Variants in FREM1 observed in about 807,000 individuals in gnomAD.
FREM1 encodes FRAS1-related extracellular matrix protein 1.
Under a neutral mutation model 210.1 loss-of-function variants are expected in FREM1, and 220 were observed. The ratio of observed to expected loss-of-function variants is 1.05; its 90% CI spans 0.94 to 1.17. The LOEUF (loss-of-function observed/expected upper bound fraction) is 1.17, where lower values mean the gene tolerates loss of function less well. FREM1 is among the 50% of genes most tolerant of loss of function. The pLI is 0.00. For synonymous variants in FREM1, 1,189 were observed against 980.2 expected, an observed-to-expected ratio of 1.21 and a Z score of -3.98; for missense variants, 3,454 against 2,675.5, an observed-to-expected ratio of 1.29 and a Z score of -6.42.
chr9:14,836,147 A>C lies in FREM1; in HGVS notation c.1881+5300T>G, dbSNP rs571155609. ...ATAGACCCCCAAAGGGGAGTTCTCT[A>C]TCTTGGCAAGTAAAATTTTAGATGG... On this transcript the variant is annotated intron_variant, in intron 10 of 36. Coordinates refer to ENST00000380880, the MANE Select transcript of FREM1 (RefSeq NM_001379081.2). The surrounding 1 kb of genome is among the most constrained non-coding windows in gnomAD (Gnocchi z 4.9). 6.6e-6 allele frequency among the ~76,000 whole-genome samples: 1 copy of C among 152,226 alleles called. No homozygotes were observed. The highest frequency in any genetic ancestry group is 1.5e-5 in the Non-Finnish European group (1 of 68,034).
At chr9:14,740,024 A>C (rs930539014) in intron 36 of FREM1, 125 bp downstream of exon 36, 2 of 526,578 alleles carry the variant, frequency 3.8e-6, no homozygotes, top group Non-Finnish European at 6.8e-6. Flanking sequence ...GGCTAGATCT[A>C]TTGGTTGCCT....
At chr9:14,879,978 G>A (rs1384062196) in intron 1 of FREM1, among the ~76,000 whole-genome samples, 1 of 152,150 alleles carries the variant, frequency 6.6e-6, no homozygotes, top group African/African-American at 2.4e-5. Context: ...TTGAAGCCCT[G>A]ATTTCCAATG....
chr9:14,871,706 GT>G (rs570689656), intron 1 of FREM1, among the ~76,000 whole-genome samples: 30 of 152,238 alleles, frequency 2.0e-4, no homozygotes, highest in African/African-American at 7.0e-4. Context: ...TGCTTTTGGT[GT>G]TTTAGACATG....
At chr9:14,823,002 C>G (rs1047024189) in intron 13 of FREM1, among the ~76,000 whole-genome samples, 158 bp downstream of exon 13, 6 of 152,108 alleles carry the variant, frequency 3.9e-5, no homozygotes. Flanking sequence ...ACTCCCTTCT[C>G]CCTGCTTTTT....
At chr9:14,871,926 T>A (rs531278351) in intron 1 of FREM1, among the ~76,000 whole-genome samples, 2 of 152,322 alleles carry the variant, frequency 1.3e-5, no homozygotes, top group South Asian at 4.1e-4. Flanking sequence ...AGGGAATCCT[T>A]TCCCCATTGC....
At chr9:14,805,332 G>C (rs1239522723) in intron 18 of FREM1, among the ~76,000 whole-genome samples, 180 bp from the exon 19 acceptor site, 2 of 152,186 alleles carry the variant, frequency 1.3e-5, no homozygotes, top group Admixed American at 6.5e-5. Context: ...CATAAAGGCA[G>C]ATATCCACAG....
chr9:14,788,871 C>T, intron 23 of FREM1, 48 bp downstream of exon 23: 3 of 1,457,132 alleles, frequency 2.1e-6, no homozygotes, highest in Non-Finnish European at 1.9e-6. Context: ...AATACTTATA[C>T]CAGTTAGCAA....
At chr9:14,797,970 G>A (rs554821949) in intron 20 of FREM1, among the ~76,000 whole-genome samples, 16 of 152,078 alleles carry the variant, frequency 1.1e-4, no homozygotes, top group Non-Finnish European at 2.4e-4. Context: ...AAATTATAGA[G>A]TTATATCCCT....
chr9:14,786,934 T>C (rs1481701808), intron 23 of FREM1, among the ~76,000 whole-genome samples: 3 of 152,086 alleles, frequency 2.0e-5, no homozygotes, highest in Non-Finnish European at 4.4e-5. Flanking sequence ...GAAATGGACC[T>C]GAGGGGAGGA....
At chr9:14,825,741 C>T (rs1291438431) in intron 10 of FREM1, among the ~76,000 whole-genome samples, 1 of 151,578 alleles carries the variant, frequency 6.6e-6, no homozygotes, top group African/African-American at 2.4e-5. Context: ...AATTTTGGTT[C>T]CTCCTTCTCC....
chr9:14,855,731 T>C (rs960127561), intron 5 of FREM1, among the ~76,000 whole-genome samples: 2 of 152,064 alleles, frequency 1.3e-5, no homozygotes, highest in African/African-American at 2.4e-5. Flanking sequence ...CCAAATAAGC[T>C]ATGGAATAGG....
intron 28 of FREM1, 105 bp downstream of exon 28, chr9:14,759,667 T>G: frequency 8.9e-7 from 1 of 1,117,528 alleles, no homozygotes; most frequent in South Asian, 1.9e-5. Context: ...CCCTGCAATT[T>G]GAAATTTCCT....
At chr9:14,859,586 G>A (rs564260961) in intron 3 of FREM1, 102 bp from the exon 4 acceptor site, 14 of 943,200 alleles carry the variant, frequency 1.5e-5, no homozygotes, top group African/African-American at 1.1e-4. Flanking sequence ...CACCAAATTT[G>A]TGCCACAGAT....
chr9:14,858,610 T>C (rs966016250), intron 4 of FREM1, among the ~76,000 whole-genome samples: 3 of 152,120 alleles, frequency 2.0e-5, no homozygotes, highest in Admixed American at 6.6e-5. Context: ...CTACTATTGC[T>C]ATGATTATCC....
intron 19 of FREM1, among the ~76,000 whole-genome samples, chr9:14,804,488 G>C (rs1817985479): frequency 6.6e-6 from 1 of 152,196 alleles, no homozygotes; most frequent in African/African-American, 2.4e-5. Flanking sequence ...GGGAGGCTGA[G>C]GCAGGAGAAT....
intron 35 of FREM1, among the ~76,000 whole-genome samples, chr9:14,743,589 C>A (rs1841924652): frequency 6.6e-6 from 1 of 151,916 alleles, no homozygotes; most frequent in Non-Finnish European, 1.5e-5. Context: ...CATTAAGAAC[C>A]AATGAAAGCT....
At chr9:14,853,868 G>C (rs1039328401) in intron 5 of FREM1, among the ~76,000 whole-genome samples, 1 of 152,170 alleles carries the variant, frequency 6.6e-6, no homozygotes, top group Non-Finnish European at 1.5e-5. Context: ...GATTTAGAAG[G>C]ACTGGTGCTT....
In FREM1 at chr9:14,792,887, G is replaced by A. The variant is rs751553817; in HGVS notation, c.3840-3C>T. 17 of 1,557,298 alleles carry A rather than the reference G, an allele frequency of 1.1e-5. No homozygotes were observed. Among genetic ancestry groups the A allele is most frequent in the African/African-American group, 1.4e-5 (1 of 73,376 alleles). ...TATTCATTGCAATTTCAGCCTTCCT[G>A]TAAAAAGAAAAATGTCTGGGTTGAT... On this transcript the variant is annotated splice_region_variant and splice_polypyrimidine_tract_variant and intron_variant, in intron 21 of 36. Transcript: ENST00000380880.
At chr9:14,898,721 G>A (rs555546920) in intron 1 of FREM1, among the ~76,000 whole-genome samples, 37 of 152,266 alleles carry the variant, frequency 2.4e-4, no homozygotes, top group African/African-American at 6.7e-4. Context: ...CAGCCTGGGC[G>A]ACAGAGACTC....
Sources: allele counts gnomAD v4.1 joint callset (sites outside exome capture counted in the v4.1 genomes callset), GRCh38; gene constraint gnomAD v4.1.1; non-coding constraint Gnocchi (gnomAD v3.1); transcripts MANE v1.5; gene names NCBI Gene and HGNC (gene_info 2026-07-23, HGNC 2026-07-21).